CSMD1: variants seen among roughly 807,000 people sequenced by gnomAD.
The protein encoded by CSMD1 is CUB and sushi domain-containing protein 1.
Under a neutral mutation model 417.5 loss-of-function variants are expected in CSMD1, and 213 were observed. That is an observed-to-expected ratio of 0.51 (90% CI 0.46 to 0.57). CSMD1 has a LOEUF of 0.57. CSMD1 is among the 20% of genes least tolerant of loss of function. The pLI, the probability that CSMD1 is intolerant of heterozygous loss-of-function variation, is 0.00. For synonymous variants in CSMD1, 2,862 were observed against 1,736.8 expected (o/e 1.65, Z -16.11); for missense variants, 6,923 against 4,529.7 (o/e 1.53, Z -15.17).
chr8:3,111,341 G>C (rs761863934), intron 42 of CSMD1, among the ~76,000 whole-genome samples: 1 of 148,862 alleles, frequency 6.7e-6, no homozygotes, highest in African/African-American at 2.4e-5. Flanking sequence ...TGGAGATTTG[G>C]ATCTTTTCAT....
At position 4,263,240 on chromosome 8, in the gene CSMD1, T is replaced by TA. The variant is rs1205876227; in HGVS notation, c.415+156712dup. The stretch of plus-strand genomic sequence containing the variant: ...AAGGCTAGGCTGTTGGGTAATGATC[T>TA]AAAAAAATCTGTAAGCTGAAAGGTT... On this transcript the variant is annotated intron_variant, in intron 3 of 69. Transcript: ENST00000635120. Among the ~76,000 whole-genome samples, 3 of 152,218 alleles carry TA rather than the reference T, an allele frequency of 2.0e-5. No individual in the cohort carries two copies. In the East Asian group the frequency reaches 5.8e-4, roughly 29 times the overall value.
At chr8:4,730,763 AG>A (rs1465499467) in intron 1 of CSMD1, among the ~76,000 whole-genome samples, 4 of 151,880 alleles carry the variant, frequency 2.6e-5, no homozygotes, top group African/African-American at 4.8e-5. Flanking sequence ...AAAAAAAAAA[AG>A]AATAAAGGAA....
chr8:3,314,412 G>A (rs1034894328), intron 23 of CSMD1, among the ~76,000 whole-genome samples: 1 of 151,998 alleles, frequency 6.6e-6, no homozygotes, highest in Admixed American at 6.6e-5. Context: ...CATACAGAAG[G>A]TATCCTTTTC....
chr8:4,313,428 C>A (rs1027946756), intron 3 of CSMD1, among the ~76,000 whole-genome samples: 3 of 150,694 alleles, frequency 2.0e-5, no homozygotes, highest in Admixed American at 1.3e-4. Context: ...GACGGGACCC[C>A]TGTGACATTT....
At chr8:4,055,835 G>C (rs1585218505) in intron 3 of CSMD1, among the ~76,000 whole-genome samples, 1 of 152,066 alleles carries the variant, frequency 6.6e-6, no homozygotes, top group Non-Finnish European at 1.5e-5. Flanking sequence ...TTTTACAGTT[G>C]ATTTTCTTTT....
chr8:4,908,860 A>G (rs1398035301), intron 1 of CSMD1, among the ~76,000 whole-genome samples: 1 of 152,158 alleles, frequency 6.6e-6, no homozygotes, highest in African/African-American at 2.4e-5. Flanking sequence ...AAAATATCTG[A>G]TAAATCATAA....
intron 3 of CSMD1, among the ~76,000 whole-genome samples, chr8:4,163,650 A>C (rs7015066): frequency 6.6e-6 from 1 of 152,170 alleles, no homozygotes; most frequent in African/African-American, 2.4e-5. Flanking sequence ...AAGTGGAGTA[A>C]AATTCAAGGA....
At chr8:4,645,444 CAA>C (rs549511320) in intron 1 of CSMD1, among the ~76,000 whole-genome samples, 589 of 36,782 alleles carry the variant, frequency 0.016, 7 homozygotes, top group East Asian at 0.14. Flanking sequence ...AGTGCAGGGG[CAA>C]AAAAAAAAAA....
intron 1 of CSMD1, among the ~76,000 whole-genome samples, chr8:4,933,806 G>A (rs936089445): frequency 1.3e-5 from 2 of 152,156 alleles, no homozygotes; most frequent in African/African-American, 2.4e-5. Context: ...GGACCTAGAT[G>A]TGAGCCCGAT....
chr8:3,416,570 C>T (rs1227011767), intron 12 of CSMD1, among the ~76,000 whole-genome samples: 4 of 152,178 alleles, frequency 2.6e-5, no homozygotes, highest in Non-Finnish European at 5.9e-5. Context: ...GCATAGTTAG[C>T]ACGCTTGCTT....
chr8:4,028,252 T>C (rs1343466412), intron 4 of CSMD1, among the ~76,000 whole-genome samples: 3 of 152,186 alleles, frequency 2.0e-5, no homozygotes, highest in African/African-American at 7.2e-5. Flanking sequence ...ATCTAACATC[T>C]ATTAGCACAA....
chr8:3,552,329 CTTTT>C (rs146263164), intron 10 of CSMD1, among the ~76,000 whole-genome samples: 1 of 150,948 alleles, frequency 6.6e-6, no homozygotes, highest in Non-Finnish European at 1.5e-5. Context: ...AGCTTATTCT[CTTTT>C]TTTTTGCATA....
chr8:4,017,063 G>A (rs1055178356), intron 4 of CSMD1, among the ~76,000 whole-genome samples: 1 of 152,172 alleles, frequency 6.6e-6, no homozygotes, highest in African/African-American at 2.4e-5. Context: ...TATTCATCCG[G>A]AGGCAAGACT....
At chr8:4,964,652 C>G (rs1809735020) in intron 1 of CSMD1, among the ~76,000 whole-genome samples, 1 of 151,868 alleles carries the variant, frequency 6.6e-6, no homozygotes, top group Non-Finnish European at 1.5e-5. Context: ...TTTTCTAACA[C>G]TCTTTAAAAT....
chr8:3,455,653 G>C (rs1272484264), intron 12 of CSMD1, among the ~76,000 whole-genome samples: 1 of 152,210 alleles, frequency 6.6e-6, no homozygotes, highest in African/African-American at 2.4e-5. Flanking sequence ...AAATGCTGCT[G>C]CCTGATCCTT....
chr8:2,957,488 G>A (rs1467343897), intron 63 of CSMD1, among the ~76,000 whole-genome samples: 1 of 152,166 alleles, frequency 6.6e-6, no homozygotes, highest in Non-Finnish European at 1.5e-5. Flanking sequence ...TCAAGGTCAA[G>A]GATGGGGCTT....
intron 26 of CSMD1, among the ~76,000 whole-genome samples, chr8:3,240,942 A>C (rs147806704): frequency 6.6e-6 from 1 of 151,804 alleles, no homozygotes; most frequent in Non-Finnish European, 1.5e-5. Context: ...CTTTTAAAGC[A>C]TGCTGTGGGA....
At chr8:3,498,151 T>C (rs978345658) in intron 10 of CSMD1, among the ~76,000 whole-genome samples, 1 of 152,202 alleles carries the variant, frequency 6.6e-6, no homozygotes, top group African/African-American at 2.4e-5. Flanking sequence ...CTGTAACGGT[T>C]CTGCTGAGAA....
chr8:4,535,994 A>G (rs899410935), intron 2 of CSMD1, among the ~76,000 whole-genome samples: 1 of 135,324 alleles, frequency 7.4e-6, no homozygotes, highest in Non-Finnish European at 1.5e-5. Context: ...AATAAATAAA[A>G]GTTTCAGAAT....
Sources: gnomAD v4.1 joint callset for allele counts (sites outside exome capture counted in the v4.1 genomes callset) on GRCh38, gnomAD v4.1.1 for gene constraint, MANE v1.5 for transcripts, NCBI Gene and HGNC (gene_info 2026-07-23, HGNC 2026-07-21) for gene names.